AVEN: variants seen among roughly 807,000 people sequenced by gnomAD.
AVEN encodes apoptosis and caspase activation inhibitor.
Under a neutral mutation model 38.1 loss-of-function variants are expected in AVEN, and 41 were observed. That is an observed-to-expected ratio of 1.08 (90% confidence interval 0.84 to 1.40). The LOEUF (loss-of-function observed/expected upper bound fraction) is 1.40, where lower values mean the gene tolerates loss of function less well. AVEN is among the 40% of genes most tolerant of loss of function. The probability of loss-of-function intolerance (pLI) is 0.00; values close to 1 mark genes in which losing one functional copy is unlikely to be tolerated. For synonymous variants in AVEN, 206 were observed against 171.8 expected, an observed-to-expected ratio of 1.20 and a Z score of -1.56; for missense variants, 605 against 438.8, an observed-to-expected ratio of 1.38 and a Z score of -3.38.
intron 1 of AVEN, among the ~76,000 whole-genome samples, chr15:34,016,085 T>C (rs1168766299): frequency 6.6e-6 from 1 of 152,188 alleles, no homozygotes; most frequent in Admixed American, 6.5e-5. Context: ...GAGACCAGCC[T>C]GACCAACATG....
At chr15:33,891,342 C>T (rs143472563) in intron 2 of AVEN, among the ~76,000 whole-genome samples, 1 of 152,044 alleles carries the variant, frequency 6.6e-6, no homozygotes, top group Non-Finnish European at 1.5e-5. Context: ...ATTAACTCGT[C>T]ATTTACATTA....
intron 2 of AVEN, among the ~76,000 whole-genome samples, chr15:33,986,120 T>C (rs2140547478): frequency 6.7e-6 from 1 of 150,026 alleles, no homozygotes; most frequent in South Asian, 2.2e-4. Context: ...TGTTTTTTGT[T>C]TTTTGAGATG....
chr15:33,865,787 T>TA (rs1310355677), downstream of AVEN: 1 of 153,090 alleles, frequency 6.5e-6, no homozygotes, highest in Non-Finnish European at 1.5e-5. Context: ...TTAAAACCTC[T>TA]TTAGACATAG....
intron 2 of AVEN, among the ~76,000 whole-genome samples, chr15:33,986,253 C>A (rs1896462204): frequency 6.6e-6 from 1 of 151,940 alleles, no homozygotes. Context: ...ACTACAGGCA[C>A]CTGCCACCAC....
At chr15:33,961,656 AC>A (rs1206198763) in intron 2 of AVEN, among the ~76,000 whole-genome samples, 1 of 151,650 alleles carries the variant, frequency 6.6e-6, no homozygotes, top group East Asian at 1.9e-4. Flanking sequence ...TACTAAAAAC[AC>A]AAAAAATTAG....
intron 2 of AVEN, among the ~76,000 whole-genome samples, chr15:33,902,827 T>TA (rs1326887864): frequency 6.7e-6 from 1 of 149,856 alleles, no homozygotes; most frequent in East Asian, 2.0e-4. Context: ...AAAAAATTCT[T>TA]AGGAATAAAT....
At chr15:34,035,399 T>C (rs1899066239) in intron 1 of AVEN, among the ~76,000 whole-genome samples, 1 of 152,122 alleles carries the variant, frequency 6.6e-6, no homozygotes, top group Admixed American at 6.5e-5. Context: ...TAATCAGGCA[T>C]GTGAAAGAAT....
intron 2 of AVEN, among the ~76,000 whole-genome samples, chr15:33,953,376 T>G (rs1894824837): frequency 6.6e-6 from 1 of 152,144 alleles, no homozygotes; most frequent in African/African-American, 2.4e-5. Flanking sequence ...TCACGCTACC[T>G]GACTTCAAAC....
intron 2 of AVEN, among the ~76,000 whole-genome samples, chr15:33,954,318 T>TAG (rs1894871058): frequency 6.6e-6 from 1 of 152,158 alleles, no homozygotes; most frequent in Non-Finnish European, 1.5e-5. Context: ...ACCCAAAGGA[T>TAG]TATAAATCAT....
intron 2 of AVEN, among the ~76,000 whole-genome samples, chr15:33,906,832 G>A (rs1167100805): frequency 1.3e-5 from 2 of 152,168 alleles, no homozygotes; most frequent in African/African-American, 4.8e-5. Context: ...TTGCATAGCA[G>A]TGTGAATACA....
At chr15:34,038,721 C>T (rs1567482978) in intron 1 of AVEN, 59 bp downstream of exon 1, 39 of 1,125,572 alleles carry the variant, frequency 3.5e-5, no homozygotes, top group Non-Finnish European at 4.1e-5. Context: ...GACTGGCGGC[C>T]TCGGCCCCAC....
At position 34,011,821 on chromosome 15, in the gene AVEN, C is replaced by A. The variant is rs79293027; in HGVS notation, c.268-8612G>T. On this transcript the variant is annotated intron_variant, in intron 1 of 5. Coordinates refer to ENST00000306730, the MANE Select transcript of AVEN (RefSeq NM_020371.3). ...AGGTAATTTGCATCTGTAGGCAGCC[C>A]ACACCAGGGACAGACTATGGGATTT... Among the ~76,000 whole-genome samples, 884 of 152,280 alleles carry A rather than the reference C, an allele frequency of 5.8e-3. 6 individuals are homozygous for A. The highest frequency in any genetic ancestry group is 0.019 in the African/African-American group (806 of 41,550).
At chr15:34,009,046 A>G (rs1897514523) in intron 1 of AVEN, among the ~76,000 whole-genome samples, 1 of 152,132 alleles carries the variant, frequency 6.6e-6, no homozygotes. Context: ...CCCAAAGAAA[A>G]TTAATGGCTA....
At chr15:33,954,736 G>A (rs1408337091) in intron 2 of AVEN, among the ~76,000 whole-genome samples, 1 of 152,030 alleles carries the variant, frequency 6.6e-6, no homozygotes, top group Admixed American at 6.6e-5. Flanking sequence ...ACACCAACAT[G>A]GCACATGTAT....
At chr15:33,920,775 C>CTTT (rs36067823) in intron 2 of AVEN, among the ~76,000 whole-genome samples, 2 of 150,992 alleles carry the variant, frequency 1.3e-5, no homozygotes, top group East Asian at 3.9e-4. Flanking sequence ...AATATACTTC[C>CTTT]TTTTTTTTTA....
At chr15:33,984,837 C>A (rs1896353637) in intron 2 of AVEN, among the ~76,000 whole-genome samples, 1 of 152,136 alleles carries the variant, frequency 6.6e-6, no homozygotes, top group Non-Finnish European at 1.5e-5. Context: ...CACCCAATAA[C>A]CACAAATAAC....
At chr15:33,917,268 C>A (rs753735742) in intron 2 of AVEN, among the ~76,000 whole-genome samples, 1 of 151,776 alleles carries the variant, frequency 6.6e-6, no homozygotes, top group South Asian at 2.1e-4. Context: ...CTTGCACATA[C>A]GTTTGTAGCA....
chr15:34,074,687 A>G (rs529688968), exon 1 of AVEN, among the ~76,000 whole-genome samples: 14 of 152,130 alleles, frequency 9.2e-5, no homozygotes, highest in Non-Finnish European at 1.9e-4. Context: ...GTCCACCGTA[A>G]TGACTTCATC....
chr15:33,968,993 T>G (rs1895512641), intron 2 of AVEN: 6 of 152,036 alleles, frequency 3.9e-5, no homozygotes, highest in Non-Finnish European at 1.5e-5. Flanking sequence ...TAACTAATGC[T>G]ACAGGATTAT....
Sources: gnomAD v4.1 joint callset for allele counts (sites outside exome capture counted in the v4.1 genomes callset) on GRCh38, gnomAD v4.1.1 for gene constraint, MANE v1.5 for transcripts, NCBI Gene and HGNC (gene_info 2026-07-23, HGNC 2026-07-21) for gene names.